The following HMCN1 variants were observed in gnomAD, a reference collection of about 807,000 sequenced individuals.
The protein encoded by HMCN1 is hemicentin-1.
Under a neutral mutation model 625.9 loss-of-function variants are expected in HMCN1, and 321 were observed. The ratio of observed to expected loss-of-function variants is 0.51; its 90% CI spans 0.47 to 0.56. The LOEUF is 0.56. HMCN1 is among the 20% of genes least tolerant of loss of function. The pLI is 0.00. For synonymous variants in HMCN1, 2,425 were observed against 2,417.6 expected (o/e 1.00, Z -0.09); for missense variants, 6,588 against 6,887.3 (o/e 0.96, Z 1.54).
chr1:186,087,311 G>C lies in HMCN1; in HGVS notation c.9141G>C (p.Lys3047Asn), dbSNP rs1281373570. Residue 3047 changes from lysine to asparagine, a missense_variant, in exon 59 of 107, where the codon AAG (lysine) becomes AAC (asparagine). Physicochemically the swap from Lys to Asn is moderately conservative, Grantham distance 94. Around this residue, in one of 3 missense-constraint regions of HMCN1, gnomAD observed 4,628 missense variants for 4,853.1 expected, o/e 0.95. Coordinates refer to ENST00000271588, the MANE Select transcript of HMCN1 (RefSeq NM_031935.3). ...ATCAAGCTGGCGAAAGCAAGAAAAAGTTTTCCCTGACTGTTTATGGTTCGT... is the reference window on the plus strand; with the variant it reads ...ATCAAGCTGGCGAAAGCAAGAAAAACTTTTCCCTGACTGTTTATGGTTCGT... ...AINQAGESKK[K>N]FSLTVYVPPS... 1 of 1,612,612 alleles carries C rather than the reference G, an allele frequency of 6.2e-7. No homozygotes were observed. The highest frequency in any genetic ancestry group is 1.3e-5 in the African/African-American group (1 of 74,826).
chr1:186,190,037 T>A lies in HMCN1; in HGVS notation c.*159T>A. Reference sequence around the variant, plus strand: ...CCTTCCTTGGTACTTCTGAGGTATTTTCATGATCCCACCATGGTCATATCT... The same window carrying A: ...CCTTCCTTGGTACTTCTGAGGTATTATCATGATCCCACCATGGTCATATCT... On this transcript the variant is annotated 3_prime_UTR_variant, in exon 107 of 107. Coordinates refer to ENST00000271588, the MANE Select transcript of HMCN1 (RefSeq NM_031935.3). 2.5e-6 allele frequency: 2 copies of A among 802,944 alleles called. No individual in the cohort carries two copies. Among genetic ancestry groups the A allele is most frequent in the Non-Finnish European group, 4.2e-6 (2 of 475,162 alleles). The allele number at this position is 802,944 out of a possible 1,614,324, so 49.7% of individuals were successfully genotyped here. A position where few individuals can be genotyped will look rare whatever the true frequency, so the allele number is the denominator to read the frequency against.
rs116479474 is a variant in HMCN1 at position 186,021,757 on chromosome 1, G to A, written c.5626-1273G>A. Among the ~76,000 whole-genome samples, 921 of 152,060 alleles carry A rather than the reference G, an allele frequency of 6.1e-3. 5 individuals carry two copies. Among genetic ancestry groups the A allele is most frequent in the African/African-American group, 0.016 (668 of 41,510 alleles). The stretch of plus-strand genomic sequence containing the variant: ...GTTCAGATTTCATTCTGGAAAAGGT[G>A]GAGAGCCATGAATGAAATTTGATGG... On this transcript the variant is annotated intron_variant, in intron 35 of 106. Coordinates refer to ENST00000271588, the MANE Select transcript of HMCN1 (RefSeq NM_031935.3).
At chr1:185,838,572 TGTG>T (rs1255198647) in intron 1 of HMCN1, among the ~76,000 whole-genome samples, 2 of 152,060 alleles carry the variant, frequency 1.3e-5, no homozygotes, top group South Asian at 2.1e-4. Context: ...CAGAGAATCT[TGTG>T]GTGGTGGGAG....
At chr1:186,075,390 T>C (rs1197715521) in intron 53 of HMCN1, among the ~76,000 whole-genome samples, 1 of 151,928 alleles carries the variant, frequency 6.6e-6, no homozygotes, top group Non-Finnish European at 1.5e-5. Flanking sequence ...AATAAATAAA[T>C]AAATAAATGT....
chr1:185,926,564 TCCTGGGAGGTAAG>T (rs1160913800), intron 9 of HMCN1, among the ~76,000 whole-genome samples: 2 of 152,200 alleles, frequency 1.3e-5, no homozygotes, highest in East Asian at 3.8e-4. Context: ...TCCACACAGT[TCCTGGGAGGTAAG>T]CCATGAGAAT....
intron 35 of HMCN1, among the ~76,000 whole-genome samples, chr1:186,020,936 T>C (rs1654677949): frequency 6.6e-6 from 1 of 152,068 alleles, no homozygotes; most frequent in Non-Finnish European, 1.5e-5. Flanking sequence ...TTTAAGGTAA[T>C]GAGAGACCTT....
At chr1:186,128,412 A>G in intron 83 of HMCN1, 121 bp downstream of exon 83, 1 of 796,500 alleles carries the variant, frequency 1.3e-6, no homozygotes, top group Admixed American at 2.0e-5. Flanking sequence ...TAAATGCTGT[A>G]AAATGTGTGC....
chr1:186,184,793 TG>T (rs1198767107), intron 105 of HMCN1, among the ~76,000 whole-genome samples: 8 of 152,242 alleles, frequency 5.3e-5, no homozygotes, highest in Non-Finnish European at 1.0e-4. Context: ...CAGCTCATTT[TG>T]GGATTCTTTT....
chr1:186,170,037 GA>G (rs1652124772), intron 100 of HMCN1, among the ~76,000 whole-genome samples: 1 of 149,338 alleles, frequency 6.7e-6, no homozygotes, highest in Non-Finnish European at 1.5e-5. Flanking sequence ...CTCAAAAGAA[GA>G]CATTTATGCA....
At chr1:185,771,540 G>A (rs754130504) in intron 1 of HMCN1, among the ~76,000 whole-genome samples, 1 of 152,058 alleles carries the variant, frequency 6.6e-6, no homozygotes, top group Non-Finnish European at 1.5e-5. Context: ...TCACCTTTTG[G>A]ACTTAAGCTA....
intron 1 of HMCN1, among the ~76,000 whole-genome samples, chr1:185,783,040 C>T (rs146735891): frequency 0.031 from 4,658 of 152,188 alleles, 255 homozygotes; most frequent in African/African-American, 0.11. Context: ...AGACTTTGTT[C>T]GTTTATTTTT....
chr1:186,025,319 TAATAAAG>T (rs1214318344), intron 36 of HMCN1, among the ~76,000 whole-genome samples: 1 of 152,120 alleles, frequency 6.6e-6, no homozygotes, highest in Non-Finnish European at 1.5e-5. Context: ...CCCTGCTGTA[TAATAAAG>T]AATAGAGTGT....
intron 49 of HMCN1, among the ~76,000 whole-genome samples, chr1:186,066,732 C>T (rs966078446): frequency 6.6e-6 from 1 of 152,100 alleles, no homozygotes; most frequent in Non-Finnish European, 1.5e-5. Context: ...ATGCTCTTTC[C>T]CAGTTATCCT....
chr1:186,086,201 T>C (rs1659463262), intron 57 of HMCN1, 45 bp from the exon 58 acceptor site: 1 of 1,532,650 alleles, frequency 6.5e-7, no homozygotes, highest in Non-Finnish European at 9.0e-7. Context: ...TGGGAATATA[T>C]GTTGATAACA....
intron 21 of HMCN1, 63 bp downstream of exon 21, chr1:185,989,710 C>A: frequency 6.7e-7 from 1 of 1,499,128 alleles, no homozygotes; most frequent in Non-Finnish European, 9.2e-7. Context: ...ACTCACAGTT[C>A]TTTCCCCAAT....
At chr1:186,166,664 G>A in intron 99 of HMCN1, 144 bp from the exon 100 acceptor site, 3 of 1,079,804 alleles carry the variant, frequency 2.8e-6, no homozygotes, top group Non-Finnish European at 2.8e-6. Context: ...CCCACCTGAT[G>A]TGACTCAACC....
chr1:186,136,620 A>T (rs1450546216), intron 86 of HMCN1, 48 bp from the exon 87 acceptor site: 2 of 1,581,466 alleles, frequency 1.3e-6, no homozygotes. Flanking sequence ...ATAAAAAAAA[A>T]TGCTGTAACT....
At chr1:185,778,345 AT>A (rs67927353) in intron 1 of HMCN1, among the ~76,000 whole-genome samples, 4,279 of 139,156 alleles carry the variant, frequency 0.031, 78 homozygotes, top group Non-Finnish European at 0.043. Context: ...TTTCTCTTTC[AT>A]TTTTTTTTTT....
intron 93 of HMCN1, 129 bp from the exon 94 acceptor site, chr1:186,151,071 G>T (rs1403897727): frequency 3.6e-6 from 3 of 832,234 alleles, no homozygotes; most frequent in South Asian, 1.6e-5. Flanking sequence ...ATTAAATTCA[G>T]ATGTCATATG....
Sources: gnomAD v4.1 joint callset for allele counts (sites outside exome capture counted in the v4.1 genomes callset) on GRCh38, gnomAD v4.1.1 for gene constraint, gnomAD v4.1.1 regional missense constraint, MANE v1.5 for transcripts, NCBI Gene and HGNC (gene_info 2026-07-23, HGNC 2026-07-21) for gene names.